The following CSPP1 variants were observed in gnomAD, a reference collection of about 807,000 sequenced individuals.
The protein encoded by CSPP1 is centrosome and spindle pole associated protein 1.
CSPP1 carries 126 observed loss-of-function variants against 164.4 expected under a neutral mutation model. The ratio of observed to expected loss-of-function variants is 0.77; its 90% CI spans 0.66 to 0.89. CSPP1 has a LOEUF of 0.89. CSPP1 is among the 40% of genes least tolerant of loss of function. CSPP1 has a pLI of 0.00. For synonymous variants in CSPP1, 472 were observed against 476.7 expected (o/e 0.99, Z 0.13); for missense variants, 1,395 against 1,449.8 (o/e 0.96, Z 0.61).
chr8:67,085,963 T>C (rs745498190), intron 3 of CSPP1, 44 bp from the exon 4 acceptor site: 4 of 831,434 alleles, frequency 4.8e-6, no homozygotes, highest in African/African-American at 3.4e-5. Flanking sequence ...AACTTTGAGA[T>C]TGGTTTGAAA....
chr8:67,170,782 A>AATTT (rs1156842736), intron 24 of CSPP1, among the ~76,000 whole-genome samples: 7 of 151,910 alleles, frequency 4.6e-5, no homozygotes, highest in South Asian at 2.1e-4. Flanking sequence ...CTGTTCGAAT[A>AATTT]ATTTATTTAT....
chr8:67,110,168 G>T (rs1482936270), intron 9 of CSPP1, among the ~76,000 whole-genome samples: 1 of 146,188 alleles, frequency 6.8e-6, no homozygotes, highest in East Asian at 2.0e-4. Flanking sequence ...GCAGTCTGAG[G>T]TTTTTTTTTT....
At chr8:67,104,968 T>TATATATA (rs58594151) in intron 8 of CSPP1, among the ~76,000 whole-genome samples, 28 of 78,462 alleles carry the variant, frequency 3.6e-4, no homozygotes, top group South Asian at 1.1e-3. Flanking sequence ...ATATATATAT[T>TATATATA]TTTTTTTTTT....
chr8:67,140,720 C>A (rs1408212653), intron 17 of CSPP1, among the ~76,000 whole-genome samples: 1 of 152,182 alleles, frequency 6.6e-6, no homozygotes, highest in East Asian at 1.9e-4. Flanking sequence ...AAGCTTAAGG[C>A]CTCTCTTGTT....
chr8:67,184,043 G>C (rs1427910634), intron 28 of CSPP1, among the ~76,000 whole-genome samples: 5 of 152,016 alleles, frequency 3.3e-5, no homozygotes, highest in Non-Finnish European at 7.4e-5. Flanking sequence ...AGTAGAGACG[G>C]GGTTTCACCG....
Position 67,076,495 on chromosome 8 carries a change from C to A in CSPP1, c.113C>A (p.Ala38Glu). The part of the protein sequence containing the change: ...PYMEMKGKLS[A>E]KLSENSKILI... ...TGTCTCTTTCAGGGAAAGTTGTCAG[C>A]GAAGCTTTCTGAAAACAGTAAGATA... The change falls in exon 3 of 31, where the codon GCG becomes GAG. Residue 38 changes from alanine to glutamate, a missense_variant. Ala to Glu is a moderately radical substitution (Grantham distance 107). Coordinates refer to ENST00000678616, the MANE Select transcript of CSPP1 (RefSeq NM_001382391.1). 6.3e-7 allele frequency: 1 copy of A among 1,580,390 alleles called. No individual in the cohort carries two copies. The highest frequency in any genetic ancestry group is 8.6e-7 in the Non-Finnish European group (1 of 1,166,546).
intron 9 of CSPP1, among the ~76,000 whole-genome samples, chr8:67,108,829 C>G (rs1024875650): frequency 2.6e-5 from 4 of 152,210 alleles, no homozygotes; most frequent in Non-Finnish European, 5.9e-5. Context: ...CTTCCCCTAA[C>G]AGTAACAAGC....
intron 28 of CSPP1, 107 bp from the exon 29 acceptor site, chr8:67,190,543 T>C (rs781699760): frequency 4.6e-5 from 36 of 777,380 alleles, no homozygotes; most frequent in Non-Finnish European, 7.9e-5. Flanking sequence ...TGAGTGTGTT[T>C]CATGGTATTG....
rs1333450422 is a variant in CSPP1, at chr8:67,195,751, A to AAAT, written c.*161_*163dup. ...TTATCATGATGTATATTATGTACAT[A>AAAT]AATAAAAGGCCATGATTATTGATTT... On this transcript the variant is annotated 3_prime_UTR_variant, in exon 31 of 31. Coordinates refer to ENST00000678616, the MANE Select transcript of CSPP1 (RefSeq NM_001382391.1). The AAAT allele has an allele frequency of 6.5e-6, 4 of 610,726 alleles. No individual in the cohort carries two copies. In the East Asian group the frequency reaches 1.1e-4, roughly 17 times the overall value. The allele number at this position is 610,726 out of a possible 1,614,324, so 37.8% of individuals were successfully genotyped here. A position where few individuals can be genotyped will look rare whatever the true frequency, so the allele number is the denominator to read the frequency against.
intron 3 of CSPP1, chr8:67,081,101 G>C (rs951905539): frequency 3.9e-5 from 6 of 152,278 alleles, no homozygotes; most frequent in African/African-American, 1.4e-4. Flanking sequence ...AACTCTCTAG[G>C]GGTTCACAAT....
rs754751523 is a variant in CSPP1 at position 67,172,463 on chromosome 8, G to A, written c.2876G>A (p.Arg959Gln). Residue 959 changes from arginine (R) to glutamine (Q), a missense_variant, in exon 25 of 31, where the codon CGG becomes CAG. Physicochemically the swap from Arg to Gln is conservative, Grantham distance 43 (BLOSUM62 1). Transcript: ENST00000678616. ...GATATATTTGATATGGCTAGACATC[G>A]GTTGCAAGCTCCTGTCAGAAGACAG... Reference protein sequence around the residue: ...PMDIFDMARHRLQAPVRRQSP... With the variant: ...PMDIFDMARHQLQAPVRRQSP... 2.5e-6 allele frequency: 4 copies of A among 1,612,738 alleles called. No individual in the cohort carries two copies. The highest frequency in any genetic ancestry group is 1.1e-5 in the South Asian group (1 of 91,060).
intron 3 of CSPP1, among the ~76,000 whole-genome samples, chr8:67,079,606 A>G (rs113313729): frequency 2.6e-5 from 4 of 152,104 alleles, no homozygotes; most frequent in African/African-American, 9.7e-5. Context: ...TATGTTTTCT[A>G]TATATTTGCA....
At chr8:67,106,722 CT>C (rs1586148558) in intron 9 of CSPP1, among the ~76,000 whole-genome samples, 1 of 152,016 alleles carries the variant, frequency 6.6e-6, no homozygotes, top group African/African-American at 2.4e-5. Context: ...GAAAAGAGGT[CT>C]TTTTGTGAAA....
chr8:67,135,031 A>C (rs745428646), intron 16 of CSPP1: 1 of 152,200 alleles, frequency 6.6e-6, no homozygotes, highest in Non-Finnish European at 1.5e-5. Flanking sequence ...GTCTTCTTTT[A>C]ATACAAGGCT....
At position 67,177,685 on chromosome 8, in the gene CSPP1, T is replaced by G. The variant is rs779010996; in HGVS notation, c.3115T>G (p.Leu1039Val). The part of the protein sequence containing the change: ...IKMQEGAKVD[L>V]DAIPSAKVRE... ...TTGTTCTCCATTGACTACAGTTGAC[T>G]TAGATGCCATCCCAAGTGCTAAAGT... is the stretch of plus-strand genomic sequence containing the variant. Residue 1039 changes from leucine to valine, a missense_variant, in exon 27 of 31, where the codon TTA becomes GTA. Transcript: ENST00000678616. 1.2e-6 allele frequency: 2 copies of G among 1,610,010 alleles called. No individual in the cohort carries two copies. Among genetic ancestry groups the G allele is most frequent in the South Asian group, 2.2e-5 (2 of 90,758 alleles).
intron 24 of CSPP1, among the ~76,000 whole-genome samples, chr8:67,171,488 A>C (rs1830454319): frequency 6.6e-6 from 1 of 152,020 alleles, no homozygotes; most frequent in Non-Finnish European, 1.5e-5. Flanking sequence ...TCCTGGGCTC[A>C]ATCAATCCTC....
At chr8:67,113,935 TAGAGAATATTGGGAGAAAAAG>T (rs1817406739) in intron 11 of CSPP1, 73 bp downstream of exon 11, 2 of 849,370 alleles carry the variant, frequency 2.4e-6, no homozygotes, top group Non-Finnish European at 1.9e-6. Context: ...CAGGTGGGGA[TAGAGAATATTGGGAGAAAAAG>T]AGAGTAGACC....
chr8:67,102,512 C>T (rs1379259574), intron 7 of CSPP1, among the ~76,000 whole-genome samples: 2 of 152,130 alleles, frequency 1.3e-5, no homozygotes, highest in Admixed American at 1.3e-4. Context: ...ATCACTTGAA[C>T]CCAGGAGGTG....
chr8:67,175,371 A>G lies in CSPP1; in HGVS notation c.3044A>G (p.Gln1015Arg). The part of the protein sequence containing the change: ...PRDHHTLEIQ[Q>R]QALLREQQKR... Reference sequence around the variant, plus strand: ...GATCATCACACCTTAGAGATTCAGCAGCAAGCCCTGCTAAGAGAGCAGCAG... The same window carrying G: ...GATCATCACACCTTAGAGATTCAGCGGCAAGCCCTGCTAAGAGAGCAGCAG... The change falls in exon 26 of 31, where the codon CAG (glutamine) becomes CGG (arginine). Residue 1015 changes from glutamine to arginine, a missense_variant. Coordinates refer to ENST00000678616, the MANE Select transcript of CSPP1 (RefSeq NM_001382391.1). The G allele has an allele frequency of 6.2e-7, 1 of 1,614,208 alleles. No homozygotes were observed. The highest frequency in any genetic ancestry group is 8.5e-7 in the Non-Finnish European group (1 of 1,179,990).
Sources: allele counts gnomAD v4.1 joint callset (sites outside exome capture counted in the v4.1 genomes callset), GRCh38; gene constraint gnomAD v4.1.1; transcripts MANE v1.5; gene names NCBI Gene and HGNC (gene_info 2026-07-23, HGNC 2026-07-21).